Variants in GALNT2 observed in about 807,000 individuals in gnomAD.
The protein encoded by GALNT2 is polypeptide N-acetylgalactosaminyltransferase 2, also known as UDP-GalNAc:polypeptide N-acetylgalactosaminyltransferase 2.
Under a neutral mutation model 81.4 loss-of-function variants are expected in GALNT2, and 31 were observed. That is an observed-to-expected ratio of 0.38 (90% confidence interval 0.29 to 0.51). The LOEUF (loss-of-function observed/expected upper bound fraction) is 0.51, where lower values mean the gene tolerates loss of function less well. Among genes scored for constraint, GALNT2 ranks in the 20% least tolerant of loss-of-function variants. GALNT2 has a pLI of 0.87. For synonymous variants in GALNT2, 303 were observed against 287.4 expected (o/e 1.05, Z -0.55); for missense variants, 629 against 765.7 (o/e 0.82, Z 2.11).
At chr1:230,268,923 T>C (rs1007750524) in intron 14 of GALNT2, among the ~76,000 whole-genome samples, 2 of 152,160 alleles carry the variant, frequency 1.3e-5, no homozygotes, top group African/African-American at 2.4e-5. Flanking sequence ...CTGCACCAAC[T>C]TCAGGGGTCA....
At chr1:230,079,372 G>GGGA (rs1047628931) in intron 1 of GALNT2, among the ~76,000 whole-genome samples, 1 of 152,190 alleles carries the variant, frequency 6.6e-6, no homozygotes, top group African/African-American at 2.4e-5. Flanking sequence ...TGAACAGCTG[G>GGGA]GGAGAAAGAA....
rs1456168270 is a variant in GALNT2, at chr1:230,262,651, C to T, written c.1215C>T (p.Asn405=). Residue 405 remains asparagine (N), a synonymous_variant, in exon 12 of 16, where the codon AAC becomes AAT. Coordinates refer to ENST00000366672, the MANE Select transcript of GALNT2 (RefSeq NM_004481.5). ...FYYAAVPSAR[N]VPYGNIQSRL... ...ATGCAGCAGTGCCTTCTGCTAGAAA[C>T]GTTCCTTATGGAAAGTAAGTGGCAG... The T allele has an allele frequency of 8.1e-6, 13 of 1,612,490 alleles. No homozygotes were observed. Among genetic ancestry groups the T allele is most frequent in the South Asian group, 3.3e-5 (3 of 91,046 alleles).
intron 2 of GALNT2, among the ~76,000 whole-genome samples, chr1:230,183,927 G>C (rs577852390): frequency 4.0e-5 from 6 of 151,034 alleles, no homozygotes; most frequent in African/African-American, 1.5e-4. Flanking sequence ...GCAGTGAGCC[G>C]AGATCGTACC....
chr1:230,205,675 G>C (rs1482776454), intron 3 of GALNT2, among the ~76,000 whole-genome samples: 2 of 152,180 alleles, frequency 1.3e-5, no homozygotes, highest in African/African-American at 4.8e-5. Context: ...TGAGGCCGAA[G>C]CTGTGTGCAA....
At chr1:230,131,977 T>C (rs1424903580) in intron 1 of GALNT2, among the ~76,000 whole-genome samples, 3 of 152,166 alleles carry the variant, frequency 2.0e-5, no homozygotes, top group Non-Finnish European at 4.4e-5. Flanking sequence ...AGCTGACCAA[T>C]CGTTACCTCC....
At chr1:230,116,195 G>T (rs1334500457) in intron 1 of GALNT2, among the ~76,000 whole-genome samples, 4 of 152,194 alleles carry the variant, frequency 2.6e-5, no homozygotes, top group African/African-American at 9.7e-5. Flanking sequence ...TCTATAAGAG[G>T]AGTCACTATC....
At chr1:230,160,346 G>T (rs928167726) in intron 1 of GALNT2, among the ~76,000 whole-genome samples, 3 of 152,160 alleles carry the variant, frequency 2.0e-5, no homozygotes, top group African/African-American at 7.2e-5. Flanking sequence ...GGCGTTGGAC[G>T]TGGCCAGGAT....
chr1:230,135,100 C>T (rs2057235), intron 1 of GALNT2, among the ~76,000 whole-genome samples: 3,720 of 149,558 alleles, frequency 0.025, 162 homozygotes, highest in African/African-American at 0.085. Context: ...TTGTAAGATG[C>T]ACCATCATTT....
At chr1:230,178,809 T>G (rs973499869) in intron 2 of GALNT2, among the ~76,000 whole-genome samples, 1 of 152,086 alleles carries the variant, frequency 6.6e-6, no homozygotes, top group Non-Finnish European at 1.5e-5. Context: ...TAGGGTTCAC[T>G]CTCGATGTTA....
chr1:230,148,307 C>A (rs1033760422), intron 1 of GALNT2, among the ~76,000 whole-genome samples: 1 of 152,216 alleles, frequency 6.6e-6, no homozygotes, highest in East Asian at 1.9e-4. Context: ...GAGCTGAAGC[C>A]AGAAACCTGA....
intron 1 of GALNT2, among the ~76,000 whole-genome samples, chr1:230,085,205 A>G (rs1473432974): frequency 1.3e-5 from 2 of 152,184 alleles, no homozygotes; most frequent in Non-Finnish European, 2.9e-5. Flanking sequence ...GCAAAACTGA[A>G]GCATACCCTG....
rs190518249 is a variant in GALNT2 at position 230,144,843 on chromosome 1, G to T, written c.127-33375G>T. On this transcript the variant is annotated intron_variant, in intron 1 of 15. Coordinates refer to ENST00000366672, the MANE Select transcript of GALNT2 (RefSeq NM_004481.5). ...AGTATTAAAAAGCCTGGGAGTAGGTGGTTGATTTGGGGCAGAGGTTATGGT... is the reference window on the plus strand; with the variant it reads ...AGTATTAAAAAGCCTGGGAGTAGGTTGTTGATTTGGGGCAGAGGTTATGGT... Among the ~76,000 whole-genome samples, 133 of 152,272 alleles carry T rather than the reference G, an allele frequency of 8.7e-4. No individual in the cohort carries two copies. The Middle Eastern group carries it at 0.02, about 23-fold the overall frequency.
intron 1 of GALNT2, among the ~76,000 whole-genome samples, chr1:230,100,440 C>G (rs1660369901): frequency 6.6e-6 from 1 of 151,116 alleles, no homozygotes; most frequent in Admixed American, 6.6e-5. Flanking sequence ...ATTCTCCTGC[C>G]TCAGCTTCCC....
At chr1:230,079,890 C>T (rs900751449) in intron 1 of GALNT2, among the ~76,000 whole-genome samples, 1 of 152,158 alleles carries the variant, frequency 6.6e-6, no homozygotes, top group Admixed American at 6.5e-5. Flanking sequence ...TCCATCTGCA[C>T]TTCAGTAACT....
intron 1 of GALNT2, 41 bp downstream of exon 1, chr1:230,067,447 C>CCCCCCACCCTGCGCCCCT: frequency 1.3e-6 from 1 of 795,506 alleles, no homozygotes; most frequent in Non-Finnish European, 1.6e-6. Context: ...CCTGCGCCCA[C>CCCCCCACCCTGCGCCCCT]CCCCCACCCT....
intron 1 of GALNT2, among the ~76,000 whole-genome samples, chr1:230,075,850 G>A (rs926840378): frequency 1.3e-5 from 2 of 152,198 alleles, no homozygotes; most frequent in Admixed American, 6.5e-5. Context: ...GGGGAAGGCA[G>A]GATTGGAGCT....
intron 1 of GALNT2, among the ~76,000 whole-genome samples, chr1:230,177,928 C>T (rs1378637406): frequency 1.3e-5 from 2 of 152,188 alleles, no homozygotes; most frequent in Non-Finnish European, 2.9e-5. Context: ...TCCCCAAAGC[C>T]CTGGGAGTTT....
At chr1:230,159,470 T>A (rs900609321) in intron 1 of GALNT2, among the ~76,000 whole-genome samples, 3 of 152,204 alleles carry the variant, frequency 2.0e-5, no homozygotes, top group Non-Finnish European at 4.4e-5. Context: ...TTCTACCTAT[T>A]CTGAAAGAGA....
chr1:230,178,092 C>T (rs2102864515), intron 1 of GALNT2, 126 bp from the exon 2 acceptor site: 1 of 631,412 alleles, frequency 1.6e-6, no homozygotes, highest in South Asian at 2.3e-5. Context: ...TGTGCCCTCC[C>T]TCCTGCTCAT....
Sources: allele counts gnomAD v4.1 joint callset (sites outside exome capture counted in the v4.1 genomes callset), GRCh38; gene constraint gnomAD v4.1.1; transcripts MANE v1.5; gene names NCBI Gene and HGNC (gene_info 2026-07-23, HGNC 2026-07-21).